The following CEP112 variants were observed in gnomAD, a reference collection of about 807,000 sequenced individuals.
CEP112 encodes the protein centrosomal protein of 112 kDa.
Under a neutral mutation model 153.0 loss-of-function variants are expected in CEP112, and 127 were observed. That is an observed-to-expected ratio of 0.83 (90% CI 0.72 to 0.96). CEP112 has a LOEUF of 0.96. CEP112 is among the 40% of genes least tolerant of loss of function. The pLI is 0.00. For synonymous variants in CEP112, 358 were observed against 374.4 expected (o/e 0.96, Z 0.51); for missense variants, 1,089 against 1,101.2 (o/e 0.99, Z 0.16).
intron 5 of CEP112, among the ~76,000 whole-genome samples, chr17:66,130,385 A>C (rs2070082864): frequency 6.6e-6 from 1 of 152,202 alleles, no homozygotes; most frequent in Non-Finnish European, 1.5e-5. Flanking sequence ...TTAACAGGGA[A>C]GTTTTGTGAT....
intron 21 of CEP112, among the ~76,000 whole-genome samples, chr17:65,775,198 C>A (rs9972883): frequency 0.5 from 76,436 of 151,702 alleles, 20,898 homozygotes; most frequent in Non-Finnish European, 0.62. Flanking sequence ...AGAGAGCGAG[C>A]CAACTGGGCC....
Position 65,764,316 on chromosome 17 carries a change from C to A in CEP112, c.2395-13592G>T, listed in dbSNP as rs188919926. ...ATGTCAGTATTTCCCTTTTAATTTTCTGTCTCATTATCGGTCTGTTGTTGA... is the reference window on the plus strand; with the variant it reads ...ATGTCAGTATTTCCCTTTTAATTTTATGTCTCATTATCGGTCTGTTGTTGA... On this transcript the variant is annotated intron_variant, in intron 21 of 26. Transcript: ENST00000535342. 6.6e-3 allele frequency among the ~76,000 whole-genome samples: 1,001 copies of A among 152,310 alleles called. 13 individuals carry two copies. The highest frequency in any genetic ancestry group is 0.023 in the African/African-American group (940 of 41,572).
intron 1 of CEP112, among the ~76,000 whole-genome samples, chr17:66,187,578 T>C (rs959751325): frequency 4.6e-5 from 7 of 152,320 alleles, no homozygotes; most frequent in African/African-American, 1.7e-4. Context: ...CCTCAGATCA[T>C]TCCTTCTCGG....
chr17:65,786,914 T>G (rs2054309025), intron 21 of CEP112, among the ~76,000 whole-genome samples: 1 of 152,160 alleles, frequency 6.6e-6, no homozygotes, highest in African/African-American at 2.4e-5. Context: ...AACTCTTCAT[T>G]TCTGACACAT....
chr17:66,040,573 T>C (rs1049476833), intron 12 of CEP112, among the ~76,000 whole-genome samples: 6 of 149,378 alleles, frequency 4.0e-5, no homozygotes, highest in African/African-American at 1.2e-4. Context: ...CTCGGCTCAC[T>C]GCAGGCTCCA....
intron 4 of CEP112, among the ~76,000 whole-genome samples, chr17:66,164,926 T>G (rs370745448): frequency 3.7e-4 from 45 of 122,542 alleles, no homozygotes; most frequent in African/African-American, 1.2e-3. Context: ...GTGTGTATAT[T>G]TATTTATAAA....
rs184723493 is a variant in CEP112, at chr17:65,651,030, A to G, written c.2698-9965T>C. Among the ~76,000 whole-genome samples the G allele has an allele frequency of 3.1e-3, 479 of 152,088 alleles. 6 individuals carry two copies. Among genetic ancestry groups the G allele is most frequent in the African/African-American group, 0.011 (461 of 41,474 alleles). ...GGTGATTTGGGAAAATTTGGTGCAAACCATCACCTGAGCAGTGTACACTGA... is the reference window on the plus strand; with the variant it reads ...GGTGATTTGGGAAAATTTGGTGCAAGCCATCACCTGAGCAGTGTACACTGA... On this transcript the variant is annotated intron_variant, in intron 24 of 26. Coordinates refer to ENST00000535342, the MANE Select transcript of CEP112 (RefSeq NM_001199165.4).
chr17:65,925,750 C>T (rs565228035), intron 19 of CEP112, among the ~76,000 whole-genome samples: 1 of 152,298 alleles, frequency 6.6e-6, no homozygotes, highest in Non-Finnish European at 1.5e-5. Flanking sequence ...TGTGAGTAAA[C>T]TTACTTCTGA....
chr17:66,005,169 G>A (rs2064220532), intron 17 of CEP112, among the ~76,000 whole-genome samples: 2 of 152,114 alleles, frequency 1.3e-5, no homozygotes, highest in Non-Finnish European at 2.9e-5. Context: ...TAATAGGAGA[G>A]CCCAATCAAT....
chr17:66,084,014 G>GA (rs1355495167), intron 8 of CEP112, among the ~76,000 whole-genome samples: 1 of 152,152 alleles, frequency 6.6e-6, no homozygotes, highest in African/African-American at 2.4e-5. Context: ...AAAGGCTTTT[G>GA]TAAGCATAAT....
intron 21 of CEP112, among the ~76,000 whole-genome samples, chr17:65,781,750 G>C (rs2145631751): frequency 6.6e-6 from 1 of 152,228 alleles, no homozygotes. Flanking sequence ...ATAAGCAATG[G>C]GGAAAGAACT....
At chr17:65,933,493 A>G (rs1389669682) in intron 18 of CEP112, among the ~76,000 whole-genome samples, 2 of 152,226 alleles carry the variant, frequency 1.3e-5, no homozygotes, top group South Asian at 4.1e-4. Flanking sequence ...CAGATTTCTC[A>G]GCAGAAACCC....
chr17:66,039,253 C>T (rs1013961), intron 12 of CEP112, among the ~76,000 whole-genome samples: 78,200 of 151,842 alleles, frequency 0.52, 21,058 homozygotes, highest in African/African-American at 0.59. Flanking sequence ...CATCTACTGA[C>T]ATAAGAAGTC....
rs538499152 is a variant in CEP112 at position 65,799,249 on chromosome 17, T to C, written c.2395-48525A>G. Among the ~76,000 whole-genome samples the C allele has an allele frequency of 3.3e-5, 5 of 152,306 alleles. No individual in the cohort carries two copies. In the South Asian group the frequency reaches 1.0e-3, roughly 32 times the overall value. On this transcript the variant is annotated intron_variant, in intron 21 of 26. Coordinates refer to ENST00000535342, the MANE Select transcript of CEP112 (RefSeq NM_001199165.4). ...AACAAATCTGTGGCTAACAAGAATA[T>C]CTACCAATAGAAACACTTTCCTCTT...
chr17:66,182,966 C>T (rs2072778284), intron 2 of CEP112, among the ~76,000 whole-genome samples: 1 of 152,160 alleles, frequency 6.6e-6, no homozygotes, highest in Non-Finnish European at 1.5e-5. Context: ...AAGTTCATGA[C>T]ATGTGAGACG....
chr17:65,737,711 C>G (rs1459273042), intron 23 of CEP112, among the ~76,000 whole-genome samples: 1 of 152,210 alleles, frequency 6.6e-6, no homozygotes, highest in East Asian at 1.9e-4. Context: ...CACAGAGACA[C>G]TACAAGTCAG....
chr17:66,146,155 T>G (rs1411422248), intron 4 of CEP112, among the ~76,000 whole-genome samples: 1 of 151,950 alleles, frequency 6.6e-6, no homozygotes, highest in Non-Finnish European at 1.5e-5. Flanking sequence ...ATTCCCTCCT[T>G]CTCTATTTCA....
chr17:65,902,150 A>T lies in CEP112; in HGVS notation c.2163+2T>A. 6.2e-7 allele frequency: 1 copy of T among 1,606,776 alleles called. No individual in the cohort carries two copies. The highest frequency in any genetic ancestry group is 8.5e-7 in the Non-Finnish European group (1 of 1,174,328). ...GTTTTATCAAATATTATTGATAATT[A>T]CCTGTGCATCTCGTTTCTTGAACTC... On this transcript the variant is annotated splice_donor_variant, in intron 20 of 26. Coordinates refer to ENST00000535342, the MANE Select transcript of CEP112 (RefSeq NM_001199165.4). LOFTEE classifies it high-confidence loss of function.
intron 12 of CEP112, among the ~76,000 whole-genome samples, chr17:66,039,117 T>C (rs908685069): frequency 2.0e-5 from 3 of 152,214 alleles, no homozygotes; most frequent in Non-Finnish European, 4.4e-5. Context: ...AGAATGATGA[T>C]GATGCCAACT....
Sources: gnomAD v4.1 joint callset for allele counts (sites outside exome capture counted in the v4.1 genomes callset) on GRCh38, gnomAD v4.1.1 for gene constraint, MANE v1.5 for transcripts, NCBI Gene and HGNC (gene_info 2026-07-23, HGNC 2026-07-21) for gene names.